CARS2: variants seen among roughly 807,000 people sequenced by gnomAD.
CARS2 encodes cysteinyl-tRNA synthetase 2, mitochondrial.
CARS2 carries 52 observed loss-of-function variants against 68.8 expected under a neutral mutation model. The observed-to-expected ratio is 0.76, with a 90% CI of 0.61 to 0.95. The LOEUF (loss-of-function observed/expected upper bound fraction) is 0.95. Ranked by LOEUF, CARS2 falls within the 40% of genes least tolerant of loss-of-function variation. CARS2 has a pLI of 0.00. For synonymous variants in CARS2, 314 were observed against 303.6 expected, an observed-to-expected ratio of 1.03 and a Z score of -0.36; for missense variants, 780 against 754.2, an observed-to-expected ratio of 1.03 and a Z score of -0.40.
intron 8 of CARS2, chr13:110,663,872 C>G: frequency 9.5e-7 from 1 of 1,048,006 alleles, no homozygotes; most frequent in Non-Finnish European, 1.1e-6. Flanking sequence ...AGATACTGGT[C>G]AGCATCTGAA....
chr13:110,669,128 AGAT>A (rs2062732107), intron 7 of CARS2, among the ~76,000 whole-genome samples: 1 of 152,170 alleles, frequency 6.6e-6, no homozygotes, highest in African/African-American at 2.4e-5. Context: ...AAGCGTTTCC[AGAT>A]GAGCCGCATA....
rs895120276 is a variant in CARS2, at chr13:110,676,362, G to A, written c.785+612C>T. ...AGCTCTACTGAGAGGCAGAAACCAG[G>A]ACAGAGAGGGTGTTTCCAGAGTAGG... On this transcript the variant is annotated intron_variant, in intron 7 of 14. Coordinates refer to ENST00000257347, the MANE Select transcript of CARS2 (RefSeq NM_024537.4). The surrounding 1 kb of genome is among the most constrained non-coding windows in gnomAD (Gnocchi z 4.0). Among the ~76,000 whole-genome samples the A allele has an allele frequency of 3.9e-5, 6 of 152,184 alleles. No homozygotes were observed. Among genetic ancestry groups the A allele is most frequent in the African/African-American group, 1.2e-4 (5 of 41,448 alleles).
rs2062631135 is a variant in CARS2, at chr13:110,665,745, G to A, written c.919+1595C>T. On this transcript the variant is annotated intron_variant, in intron 8 of 14. Coordinates refer to ENST00000257347, the MANE Select transcript of CARS2 (RefSeq NM_024537.4). The surrounding 1 kb of genome is among the most constrained non-coding windows in gnomAD (Gnocchi z 4.3). The stretch of plus-strand genomic sequence containing the variant: ...ACTGAGCCCTGAACGAAGTCAACGA[G>A]GAAGTGACTTCGGGGCAATCAGCCT... 2.0e-6 allele frequency: 2 copies of A among 985,396 alleles called. No homozygotes were observed. The highest frequency in any genetic ancestry group is 2.4e-6 in the Non-Finnish European group (2 of 829,928). The allele number at this position is 985,396 out of a possible 1,614,324, so 61.0% of individuals were successfully genotyped here.
upstream of CARS2, among the ~76,000 whole-genome samples, chr13:110,708,149 T>TTTTG (rs3840807): frequency 0.63 from 95,655 of 151,764 alleles, 31,929 homozygotes; most frequent in South Asian, 0.77. Flanking sequence ...AGGACTTGGG[T>TTTTG]TTTGTTTGTT....
In CARS2 at chr13:110,683,039, C is replaced by T. The variant is rs564003779; in HGVS notation, c.655+12G>A. ...GGTCAGGGACCCACAGGGCTGAGCC[C>T]GGCCAACCCACCTGGCTCTCCGACT... is the stretch of plus-strand genomic sequence containing the variant. On this transcript the variant is annotated intron_variant, in intron 6 of 14. Transcript: ENST00000257347. 1.3e-5 allele frequency: 20 copies of T among 1,593,470 alleles called. No homozygotes were observed. Among genetic ancestry groups the T allele is most frequent in the East Asian group, 2.3e-5 (1 of 43,238 alleles).
At chr13:110,675,726 T>C (rs2062929418) in intron 7 of CARS2, among the ~76,000 whole-genome samples, 1 of 152,024 alleles carries the variant, frequency 6.6e-6, no homozygotes, top group South Asian at 2.1e-4. Context: ...AACCCATTTC[T>C]ACAAATAGGA....
At chr13:110,683,978 G>A (rs970135935) in intron 5 of CARS2, among the ~76,000 whole-genome samples, 5 of 152,214 alleles carry the variant, frequency 3.3e-5, no homozygotes, top group Non-Finnish European at 7.3e-5. Context: ...GGCTGCCCTT[G>A]CCCCTTCCAC....
At chr13:110,678,089 C>T (rs1283466166) in intron 6 of CARS2, 1 of 152,382 alleles carries the variant, frequency 6.6e-6, no homozygotes, top group African/African-American at 2.4e-5. Context: ...TGCACCAGCG[C>T]ACAGGGAGAG....
rs1391345671 is a variant in CARS2, at chr13:110,705,464, G to A, written c.275+57C>T. 1 of 1,251,138 alleles carries A rather than the reference G, an allele frequency of 8.0e-7. No homozygotes were observed. The highest frequency in any genetic ancestry group is 1.1e-6 in the Non-Finnish European group (1 of 886,076). The allele number at this position is 1,251,138 out of a possible 1,614,324, so 77.5% of individuals were successfully genotyped here. A position where few individuals can be genotyped will look rare whatever the true frequency, so the allele number is the denominator to read the frequency against. Reference sequence around the variant, plus strand: ...TAAGAGATAAAAGAAATCAGCAAAAGGCTTTCAAAAATAAATGGTCCTTTG... The same window carrying A: ...TAAGAGATAAAAGAAATCAGCAAAAAGCTTTCAAAAATAAATGGTCCTTTG... On this transcript the variant is annotated intron_variant, in intron 2 of 14. Transcript: ENST00000257347. This position sits in a 1 kb window ranked among gnomAD's most constrained non-coding sequence, Gnocchi z 4.0.
At chr13:110,642,550 C>T (rs747585911) in intron 13 of CARS2, 29 bp from the exon 14 acceptor site, 69 of 1,594,970 alleles carry the variant, frequency 4.3e-5, no homozygotes, top group Admixed American at 6.9e-5. Context: ...GGTTACGTCC[C>T]CCGGAGACTG....
rs1390804088 is a variant in CARS2, at chr13:110,665,514, C to A, written c.919+1826G>T. 1 of 985,342 alleles carries A rather than the reference C, an allele frequency of 1.0e-6. No individual in the cohort carries two copies. The highest frequency in any genetic ancestry group is 1.2e-6 in the Non-Finnish European group (1 of 829,968). The allele number at this position is 985,342 out of a possible 1,614,324, so 61.0% of individuals were successfully genotyped here. ...ACACGACCTCCGTTTCTAGACCCGG[C>A]CCCTCCTCATTACCTGACAGGACGA... On this transcript the variant is annotated intron_variant, in intron 8 of 14. Transcript: ENST00000257347. The surrounding 1 kb of genome is among the most constrained non-coding windows in gnomAD (Gnocchi z 4.3).
At chr13:110,682,384 C>T (rs533641903) in intron 6 of CARS2, among the ~76,000 whole-genome samples, 14 of 152,206 alleles carry the variant, frequency 9.2e-5, no homozygotes, top group African/African-American at 3.4e-4. Flanking sequence ...GGCACCACGG[C>T]GGGGGAAGGA....
At chr13:110,681,303 A>C (rs1344845138) in intron 6 of CARS2, among the ~76,000 whole-genome samples, 1 of 152,222 alleles carries the variant, frequency 6.6e-6, no homozygotes, top group Non-Finnish European at 1.5e-5. Context: ...GAAATAACAT[A>C]CACTAAGGCA....
At chr13:110,661,762 CT>C (rs1296080129) in intron 9 of CARS2, among the ~76,000 whole-genome samples, 1 of 152,046 alleles carries the variant, frequency 6.6e-6, no homozygotes, top group Admixed American at 6.6e-5. Context: ...AGTAACTGGC[CT>C]AATTTCAATA....
At position 110,669,328 on chromosome 13, in the gene CARS2, C is replaced by A. The variant is rs1477059688; in HGVS notation, c.786-1855G>T. Among the ~76,000 whole-genome samples, 3 of 152,164 alleles carry A rather than the reference C, an allele frequency of 2.0e-5. No individual in the cohort carries two copies. The South Asian group carries it at 6.2e-4, about 32-fold the overall frequency. On this transcript the variant is annotated intron_variant, in intron 7 of 14. Transcript: ENST00000257347. Reference sequence around the variant, plus strand: ...GAGTCCATGAATGGAGCAGAGTCCTCGTGTGGGAGATAATTATCTCCACCC... The same window carrying A: ...GAGTCCATGAATGGAGCAGAGTCCTAGTGTGGGAGATAATTATCTCCACCC...
rs371348017 is a variant in CARS2, at chr13:110,688,023, A to G, written c.394-5T>C. On this transcript the variant is annotated splice_polypyrimidine_tract_variant and splice_region_variant and intron_variant, in intron 3 of 14. Coordinates refer to ENST00000257347, the MANE Select transcript of CARS2 (RefSeq NM_024537.4). The stretch of plus-strand genomic sequence containing the variant: ...GGAAGCGGGGGAAATATTCATCTGC[A>G]GAAGGATTAGATGTGCACGTTAATG... 2.6e-5 allele frequency: 41 copies of G among 1,602,006 alleles called. No individual in the cohort carries two copies. Among genetic ancestry groups the G allele is most frequent in the Non-Finnish European group, 3.2e-5 (38 of 1,170,984 alleles).
intron 12 of CARS2, chr13:110,644,912 T>C (rs951180445): frequency 6.0e-6 from 1 of 167,262 alleles, no homozygotes; most frequent in African/African-American, 2.4e-5. Context: ...GCCCCAGAAT[T>C]GCAAAGCTTG....
At chr13:110,648,305 A>C (rs1888408373) in intron 10 of CARS2, 1 of 152,252 alleles carries the variant, frequency 6.6e-6, no homozygotes, top group Non-Finnish European at 1.5e-5. Context: ...GGAGGCTGTT[A>C]GAATAAGATT....
chr13:110,642,279 C>T (rs1043038561), intron 14 of CARS2, 36 bp downstream of exon 14: 1 of 1,515,818 alleles, frequency 6.6e-7, no homozygotes, highest in Non-Finnish European at 8.9e-7. Context: ...TACCCGGCTC[C>T]TGGGGTGATG....
Sources: allele counts gnomAD v4.1 joint callset (sites outside exome capture counted in the v4.1 genomes callset), GRCh38; gene constraint gnomAD v4.1.1; non-coding constraint Gnocchi (gnomAD v3.1); transcripts MANE v1.5; gene names NCBI Gene and HGNC (gene_info 2026-07-23, HGNC 2026-07-21).